NFIB: variants seen among roughly 807,000 people sequenced by gnomAD.
NFIB encodes nuclear factor I B.
NFIB carries 11 observed loss-of-function variants against 61.5 expected under a neutral mutation model. The ratio of observed to expected loss-of-function variants is 0.18; its 90% CI spans 0.11 to 0.30. The LOEUF (loss-of-function observed/expected upper bound fraction) is 0.30, where lower values mean the gene tolerates loss of function less well. Among genes scored for constraint, NFIB ranks in the 10% least tolerant of loss-of-function variants. The pLI is 1.00. For synonymous variants in NFIB, 260 were observed against 216.5 expected, an observed-to-expected ratio of 1.20 and a Z score of -1.76; for missense variants, 471 against 608.9, an observed-to-expected ratio of 0.77 and a Z score of 2.38.
At chr9:14,434,942 T>G in the NFIB span, among the ~76,000 whole-genome samples, 3 of 152,240 alleles carry the variant, frequency 2.0e-5, no homozygotes, top group Non-Finnish European at 4.4e-5. Context: ...ATGCATGTAT[T>G]GATTGGGTGC....
the NFIB span, among the ~76,000 whole-genome samples, chr9:14,459,838 G>A: frequency 6.6e-6 from 1 of 151,200 alleles, no homozygotes; most frequent in South Asian, 2.1e-4. Context: ...ACACCAGTTA[G>A]AATGGCGATC....
intron 2 of NFIB, among the ~76,000 whole-genome samples, chr9:14,207,857 A>G (rs564260456): frequency 7.2e-5 from 11 of 152,252 alleles, no homozygotes; most frequent in Non-Finnish European, 1.3e-4. Context: ...CACCTGAAAG[A>G]CAGATCCACC....
intron 1 of NFIB, among the ~76,000 whole-genome samples, chr9:14,377,685 A>AT (rs1338513170): frequency 6.6e-6 from 1 of 152,168 alleles, no homozygotes; most frequent in Admixed American, 6.5e-5. Flanking sequence ...ATAAAGGAAA[A>AT]TTTTAAGAGG....
intron 2 of NFIB, among the ~76,000 whole-genome samples, chr9:14,189,086 T>C (rs1274570245): frequency 6.6e-6 from 1 of 152,228 alleles, no homozygotes; most frequent in African/African-American, 2.4e-5. Flanking sequence ...TTTATGTTAC[T>C]ACCTAGCACC....
intron 2 of NFIB, among the ~76,000 whole-genome samples, chr9:14,224,208 C>T (rs190772306): frequency 2.0e-5 from 3 of 152,298 alleles, no homozygotes; most frequent in African/African-American, 7.2e-5. Flanking sequence ...TGATAGGCTA[C>T]ACAGAAAATT....
At chr9:14,298,884 A>G (rs1171002929) in intron 2 of NFIB, among the ~76,000 whole-genome samples, 1 of 152,200 alleles carries the variant, frequency 6.6e-6, no homozygotes, top group African/African-American at 2.4e-5. Flanking sequence ...TAAACCTAAC[A>G]AGGCAAGTTG....
chr9:14,141,076 T>C (rs982823189), intron 6 of NFIB, among the ~76,000 whole-genome samples: 2 of 152,324 alleles, frequency 1.3e-5, no homozygotes, highest in Admixed American at 1.3e-4. Flanking sequence ...TCTGGCTTAA[T>C]GCGTTTGACA....
intron 1 of NFIB, chr9:14,308,192 G>C (rs34330063): frequency 3.3e-5 from 5 of 152,054 alleles, no homozygotes; most frequent in African/African-American, 1.2e-4. Flanking sequence ...TTCCAAAAGT[G>C]GTAACTAGAG....
At chr9:14,452,669 G>C in the NFIB span, among the ~76,000 whole-genome samples, 4 of 152,124 alleles carry the variant, frequency 2.6e-5, no homozygotes, top group Non-Finnish European at 5.9e-5. Context: ...TTCCCTAGTA[G>C]ACATGTCTGC....
At chr9:14,102,512 T>G (rs979792746) in intron 10 of NFIB, 2 of 1,550,248 alleles carry the variant, frequency 1.3e-6, no homozygotes, top group Non-Finnish European at 1.7e-6. Flanking sequence ...AATCCTCAGC[T>G]GTCAATTGAA....
At chr9:14,160,720 T>C (rs545234744) in intron 3 of NFIB, among the ~76,000 whole-genome samples, 1 of 151,728 alleles carries the variant, frequency 6.6e-6, no homozygotes, top group African/African-American at 2.4e-5. Context: ...TGTCATATTA[T>C]TGGTGTTGCC....
the NFIB span, among the ~76,000 whole-genome samples, chr9:14,530,923 A>G: frequency 6.6e-6 from 1 of 152,224 alleles, no homozygotes; most frequent in Non-Finnish European, 1.5e-5. Context: ...AAGAAGAAAA[A>G]GAAAATGAGA....
the NFIB span, among the ~76,000 whole-genome samples, chr9:14,511,284 CTTT>C: frequency 6.6e-6 from 1 of 151,708 alleles, no homozygotes; most frequent in African/African-American, 2.4e-5. Flanking sequence ...TTTATTGCTT[CTTT>C]AAATTTTTCC....
chr9:14,368,261 T>C (rs2061324282), intron 1 of NFIB, among the ~76,000 whole-genome samples: 1 of 151,642 alleles, frequency 6.6e-6, no homozygotes, highest in Non-Finnish European at 1.5e-5. Context: ...AAGAGGAAGA[T>C]TTAAGATGAC....
rs1563932702 is a variant in NFIB, at chr9:14,237,841, C to CTGTGTGTGTGTG, written c.563-58062_563-58061insCACACACACACA. 8.8e-4 allele frequency among the ~76,000 whole-genome samples: 23 copies of CTGTGTGTGTGTG among 26,028 alleles called. 5 individuals carry two copies. In the East Asian group the frequency reaches 0.01, roughly 12 times the overall value. The allele number at this position is 26,028 out of a possible 152,430, so 17.1% of individuals were successfully genotyped here. A position where few individuals can be genotyped will look rare whatever the true frequency, so the allele number is the denominator to read the frequency against. On this transcript the variant is annotated intron_variant, in intron 2 of 10. Transcript: ENST00000380953. Reference sequence around the variant, plus strand: ...AAGCTCCTCACCCTGCTAGGTATAACAGTGTGTGTGTGTGTGTGTGTGTGT... The same window carrying CTGTGTGTGTGTG: ...AAGCTCCTCACCCTGCTAGGTATAACTGTGTGTGTGTGAGTGTGTGTGTGTGTGTGTGTGTGT...
At chr9:14,158,467 G>C (rs1440566046) in intron 3 of NFIB, among the ~76,000 whole-genome samples, 2 of 152,192 alleles carry the variant, frequency 1.3e-5, no homozygotes, top group African/African-American at 2.4e-5. Context: ...TGAGAGATCT[G>C]TTTTCAAGTC....
intron 1 of NFIB, among the ~76,000 whole-genome samples, chr9:14,370,400 G>GA (rs1564036193): frequency 6.6e-6 from 1 of 152,046 alleles, no homozygotes; most frequent in Admixed American, 6.5e-5. Context: ...TTTTAGTCAA[G>GA]AAAAAATTGT....
chr9:14,125,545 C>T, intron 7 of NFIB, 87 bp downstream of exon 7: 1 of 1,531,090 alleles, frequency 6.5e-7, no homozygotes, highest in Non-Finnish European at 8.8e-7. Context: ...TGCCATAGCT[C>T]TATTTATAAA....
intron 10 of NFIB, among the ~76,000 whole-genome samples, chr9:14,091,797 CA>C (rs1011331490): frequency 2.0e-5 from 3 of 151,388 alleles, no homozygotes; most frequent in African/African-American, 7.3e-5. Context: ...AATTACTTTG[CA>C]AAAAAATCAA....
Sources: allele counts gnomAD v4.1 joint callset (sites outside exome capture counted in the v4.1 genomes callset), GRCh38; gene constraint gnomAD v4.1.1; transcripts MANE v1.5; gene names NCBI Gene and HGNC (gene_info 2026-07-23, HGNC 2026-07-21).